ITSN1: variants seen among roughly 807,000 people sequenced by gnomAD.
ITSN1 encodes the protein intersectin-1.
In ITSN1, 58 loss-of-function variants were observed where a neutral mutation model predicts 239.8. The observed-to-expected ratio is 0.24, with a 90% confidence interval of 0.20 to 0.30. ITSN1 has a LOEUF of 0.30. Among genes scored for constraint, ITSN1 ranks in the 10% least tolerant of loss-of-function variants. The probability of loss-of-function intolerance (pLI) is 1.00; values close to 1 mark genes in which losing one functional copy is unlikely to be tolerated. For synonymous variants in ITSN1, 780 were observed against 770.8 expected, an observed-to-expected ratio of 1.01 and a Z score of -0.20; for missense variants, 1,558 against 2,103.3, an observed-to-expected ratio of 0.74 and a Z score of 5.07.
chr21:33,717,133 AT>A (rs916675357), intron 1 of ITSN1, among the ~76,000 whole-genome samples: 7 of 151,628 alleles, frequency 4.6e-5, no homozygotes, highest in South Asian at 4.2e-4. Context: ...CAAGAGACTC[AT>A]TTTTTTTAAT....
At position 33,796,355 on chromosome 21, in the gene ITSN1, C is replaced by A. The variant is rs547201069; in HGVS notation, c.1953-1024C>A. 2.6e-5 allele frequency among the ~76,000 whole-genome samples: 4 copies of A among 152,238 alleles called. No homozygotes were observed. The South Asian group carries it at 8.3e-4, about 32-fold the overall frequency. ...AATGTTTTTATACTTTCTTAAAAGA[C>A]ATTTTAAAAATTGTAAATAAAATGT... On this transcript the variant is annotated intron_variant, in intron 17 of 39. Coordinates refer to ENST00000381318, the MANE Select transcript of ITSN1 (RefSeq NM_003024.3).
chr21:33,799,973 G>A (rs1237222537), intron 19 of ITSN1, 44 bp downstream of exon 19: 1 of 1,580,118 alleles, frequency 6.3e-7, no homozygotes, highest in Admixed American at 1.8e-5. Context: ...TTGAAGATTA[G>A]CCTCTGTCCT....
At chr21:33,794,606 A>G in intron 17 of ITSN1, 138 bp downstream of exon 17, 1 of 1,180,204 alleles carries the variant, frequency 8.5e-7, no homozygotes. Context: ...GAGTGCAAAC[A>G]CAAACACGTG....
At chr21:33,707,529 G>T (rs1369203185) in intron 1 of ITSN1, among the ~76,000 whole-genome samples, 4 of 152,186 alleles carry the variant, frequency 2.6e-5, no homozygotes, top group Non-Finnish European at 1.5e-5. Context: ...AAAGGTTCTT[G>T]TGCCTCTCTG....
At chr21:33,734,604 A>G (rs1326095586) in intron 4 of ITSN1, among the ~76,000 whole-genome samples, 1 of 152,212 alleles carries the variant, frequency 6.6e-6, no homozygotes, top group Admixed American at 6.5e-5. Context: ...TAGCAATATT[A>G]ACATTCCGCT....
chr21:33,689,139 TG>T (rs1214410618), intron 1 of ITSN1, among the ~76,000 whole-genome samples: 1 of 152,154 alleles, frequency 6.6e-6, no homozygotes, highest in African/African-American at 2.4e-5. Context: ...GTTATTAATC[TG>T]AAGAAGTTCT....
In ITSN1 at chr21:33,882,940, C is replaced by G. The variant is rs1313115834; in HGVS notation, c.4554+485C>G. ...AATTTCCCTCAGCTGTTTATATGGT[C>G]TGCTCATACGTGCATGGCTGTGTTT... is the stretch of plus-strand genomic sequence containing the variant. On this transcript the variant is annotated intron_variant, in intron 35 of 39. Coordinates refer to ENST00000381318, the MANE Select transcript of ITSN1 (RefSeq NM_003024.3). This position sits in a 1 kb window ranked among gnomAD's most constrained non-coding sequence, Gnocchi z 4.5. 6.6e-6 allele frequency among the ~76,000 whole-genome samples: 1 copy of G among 152,210 alleles called. No homozygotes were observed. Among genetic ancestry groups the G allele is most frequent in the African/African-American group, 2.4e-5 (1 of 41,448 alleles).
At chr21:33,837,830 G>A in intron 29 of ITSN1, 1 of 985,806 alleles carries the variant, frequency 1.0e-6, no homozygotes, top group Non-Finnish European at 1.2e-6. Context: ...TTTTGTTTGG[G>A]GTTTTTAATT....
chr21:33,862,012 A>AC (rs1335493840), intron 31 of ITSN1, among the ~76,000 whole-genome samples: 1 of 148,604 alleles, frequency 6.7e-6, no homozygotes, highest in African/African-American at 2.5e-5. Context: ...AAAAAAAAAA[A>AC]AAGAGCTGTG....
intron 1 of ITSN1, among the ~76,000 whole-genome samples, chr21:33,664,112 T>G (rs2089759744): frequency 6.6e-6 from 1 of 152,172 alleles, no homozygotes. Flanking sequence ...CACTTCGTGT[T>G]GCTGTAATAG....
chr21:33,831,948 C>G (rs1336278383), intron 27 of ITSN1, among the ~76,000 whole-genome samples: 1 of 152,176 alleles, frequency 6.6e-6, no homozygotes, highest in Non-Finnish European at 1.5e-5. Flanking sequence ...GTCCCACTCC[C>G]TGCTTAGAGT....
At chr21:33,710,179 C>T (rs748065355) in intron 1 of ITSN1, among the ~76,000 whole-genome samples, 29 of 151,224 alleles carry the variant, frequency 1.9e-4, no homozygotes, top group Non-Finnish European at 2.7e-4. Context: ...CCCGGGTTCA[C>T]GCCATTCTCC....
intron 22 of ITSN1, chr21:33,817,082 A>G: frequency 1.0e-6 from 1 of 996,402 alleles, no homozygotes; most frequent in Non-Finnish European, 1.3e-6. Context: ...GTTCTGAAGT[A>G]ACTCTCTCTA....
chr21:33,882,286 A>G lies in ITSN1; in HGVS notation c.4385A>G (p.Lys1462Arg). Reference sequence around the variant, plus strand: ...GTGACCAATTGCTTGGGGCCGCGCAAATTTCTGCACAGTGGGAAGCTCTAC... The same window carrying G: ...GTGACCAATTGCTTGGGGCCGCGCAGATTTCTGCACAGTGGGAAGCTCTAC... Reference protein sequence around the residue: ...NSVTNCLGPRKFLHSGKLYKA... With the variant: ...NSVTNCLGPRRFLHSGKLYKA... Residue 1462 changes from lysine to arginine, a missense_variant, in exon 35 of 40, where the codon AAA (lysine) becomes AGA (arginine). Lys to Arg is a conservative substitution (Grantham distance 26). This residue lies in a region of ITSN1 where 576 missense variants were observed against 893.3 expected (regional missense o/e 0.64). Coordinates refer to ENST00000381318, the MANE Select transcript of ITSN1 (RefSeq NM_003024.3). This position sits in a 1 kb window ranked among gnomAD's most constrained non-coding sequence, Gnocchi z 4.5. 6.2e-7 allele frequency: 1 copy of G among 1,614,136 alleles called. No homozygotes were observed.
intron 34 of ITSN1, among the ~76,000 whole-genome samples, chr21:33,876,102 C>CTCTTTCTTTCTTTCCTTCTTTCT (rs1441712849): frequency 2.7e-5 from 3 of 110,218 alleles, no homozygotes; most frequent in East Asian, 3.1e-4. Context: ...TCTTTCTTTC[C>CTCTTTCTTTCTTTCCTTCTTTCT]TTCTTTCTTT....
intron 1 of ITSN1, among the ~76,000 whole-genome samples, chr21:33,682,133 G>A (rs1468527006): frequency 2.0e-5 from 3 of 151,146 alleles, no homozygotes; most frequent in Non-Finnish European, 4.4e-5. Flanking sequence ...ATACAAGCAA[G>A]TAGAGGTTGT....
intron 1 of ITSN1, among the ~76,000 whole-genome samples, chr21:33,700,973 G>GTA (rs2091981975): frequency 2.0e-5 from 3 of 151,430 alleles, no homozygotes; most frequent in Admixed American, 2.0e-4. Context: ...GTGTGTGTGT[G>GTA]TGTGTGTGTG....
chr21:33,695,770 C>T (rs1467418179), intron 1 of ITSN1, among the ~76,000 whole-genome samples: 1 of 152,080 alleles, frequency 6.6e-6, no homozygotes, highest in Non-Finnish European at 1.5e-5. Context: ...TTAACAGAAA[C>T]GTTCTTTTCT....
At position 33,799,797 on chromosome 21, in the gene ITSN1, T is replaced by C. The variant is rs2071839995; in HGVS notation, c.2183-11T>C. 1 of 1,612,724 alleles carries C rather than the reference T, an allele frequency of 6.2e-7. No homozygotes were observed. ...TTTATTTTTGTCCCCCCCACCTTTT[T>C]TTGTAAACAGAAAAAGGTCCACTTA... is the stretch of plus-strand genomic sequence containing the variant. On this transcript the variant is annotated splice_polypyrimidine_tract_variant and intron_variant, in intron 18 of 39. Transcript: ENST00000381318.
Sources: gnomAD v4.1 joint callset for allele counts (sites outside exome capture counted in the v4.1 genomes callset) on GRCh38, gnomAD v4.1.1 for gene constraint, gnomAD v4.1.1 regional missense constraint, Gnocchi (gnomAD v3.1) non-coding constraint, MANE v1.5 for transcripts, NCBI Gene and HGNC (gene_info 2026-07-23, HGNC 2026-07-21) for gene names.